Variants in PTPRM observed in about 807,000 individuals in gnomAD.
PTPRM encodes receptor-type tyrosine-protein phosphatase mu.
In PTPRM, 47 loss-of-function variants were observed where a neutral mutation model predicts 186.7. That is an observed-to-expected ratio of 0.25 (90% CI 0.20 to 0.32). PTPRM has a LOEUF of 0.32. PTPRM is among the 10% of genes least tolerant of loss of function. The pLI, the probability that PTPRM is intolerant of heterozygous loss-of-function variation, is 1.00. For synonymous variants in PTPRM, 668 were observed against 674.9 expected (o/e 0.99, Z 0.16); for missense variants, 1,494 against 1,865.0 (o/e 0.80, Z 3.66).
At chr18:8,304,666 C>T (rs2095200132) in intron 20 of PTPRM, among the ~76,000 whole-genome samples, 1 of 152,072 alleles carries the variant, frequency 6.6e-6, no homozygotes, top group Non-Finnish European at 1.5e-5. Flanking sequence ...ATTTCTTTTT[C>T]TCCAATTCAT....
intron 1 of PTPRM, among the ~76,000 whole-genome samples, chr18:7,673,327 C>A (rs1051895083): frequency 1.1e-4 from 16 of 152,252 alleles, no homozygotes; most frequent in African/African-American, 3.9e-4. Flanking sequence ...AAGAAGAATT[C>A]AGAATCTTAG....
chr18:8,265,828 C>T (rs985431451), intron 19 of PTPRM, among the ~76,000 whole-genome samples: 4 of 152,174 alleles, frequency 2.6e-5, no homozygotes, highest in Non-Finnish European at 5.9e-5. Context: ...ACAGCAACTA[C>T]TCACAAAATG....
intron 7 of PTPRM, among the ~76,000 whole-genome samples, chr18:8,025,374 A>G (rs368122955): frequency 1.3e-4 from 20 of 152,268 alleles, no homozygotes; most frequent in African/African-American, 4.6e-4. Flanking sequence ...TCTTTTGTCA[A>G]ATAGAGACAT....
chr18:7,858,395 TA>T (rs200698286), intron 2 of PTPRM, among the ~76,000 whole-genome samples: 11 of 149,948 alleles, frequency 7.3e-5, no homozygotes, highest in Admixed American at 2.7e-4. Flanking sequence ...CGTCTCTTAT[TA>T]AAAAAAAAAT....
chr18:8,133,561 G>A (rs2092566521), intron 13 of PTPRM, among the ~76,000 whole-genome samples: 1 of 152,152 alleles, frequency 6.6e-6, no homozygotes, highest in African/African-American at 2.4e-5. Flanking sequence ...AAAGCAATTA[G>A]GAGCAGTAGT....
chr18:8,177,115 C>A (rs1432591710), intron 14 of PTPRM, among the ~76,000 whole-genome samples: 1 of 152,132 alleles, frequency 6.6e-6, no homozygotes, highest in East Asian at 1.9e-4. Flanking sequence ...AATACTGATG[C>A]CTTTTGGAAA....
chr18:7,799,501 A>G (rs2043842116), intron 2 of PTPRM, among the ~76,000 whole-genome samples: 1 of 152,190 alleles, frequency 6.6e-6, no homozygotes, highest in African/African-American at 2.4e-5. Flanking sequence ...GGGAGAGGTT[A>G]ATGTCTGCAA....
chr18:7,716,252 C>A (rs664040), intron 1 of PTPRM, among the ~76,000 whole-genome samples: 78,611 of 151,896 alleles, frequency 0.52, 21,096 homozygotes, highest in East Asian at 0.86. Flanking sequence ...GAAAAAGAAG[C>A]AATGGGGAAA....
chr18:8,366,849 C>A (rs945479855), intron 23 of PTPRM: 2 of 152,228 alleles, frequency 1.3e-5, no homozygotes, highest in Non-Finnish European at 2.9e-5. Context: ...TGGAGGCTGC[C>A]GCCTTACGTG....
chr18:8,366,107 T>C (rs1020163357), intron 23 of PTPRM, among the ~76,000 whole-genome samples: 1 of 152,196 alleles, frequency 6.6e-6, no homozygotes, highest in African/African-American at 2.4e-5. Flanking sequence ...AGCTAAGTGA[T>C]TCTAATGTGC....
intron 14 of PTPRM, among the ~76,000 whole-genome samples, chr18:8,174,601 A>T (rs539244627): frequency 3.9e-5 from 6 of 152,332 alleles, no homozygotes; most frequent in Admixed American, 2.6e-4. Context: ...ATGCAGTAAG[A>T]GGCGAGGGAA....
chr18:7,774,045 T>G (rs543173803), intron 1 of PTPRM, 104 bp from the exon 2 acceptor site: 224 of 1,183,406 alleles, frequency 1.9e-4, no homozygotes, highest in Non-Finnish European at 2.5e-4. Flanking sequence ...AGATTTAGTT[T>G]GGCATCAAAC....
At chr18:7,679,045 G>A (rs375388956) in intron 1 of PTPRM, among the ~76,000 whole-genome samples, 8 of 152,158 alleles carry the variant, frequency 5.3e-5, no homozygotes, top group African/African-American at 1.9e-4. Context: ...CCCAGCAGTG[G>A]ATGCTCAGAT....
intron 6 of PTPRM, among the ~76,000 whole-genome samples, chr18:7,951,428 T>A (rs1203346870): frequency 6.6e-6 from 1 of 152,234 alleles, no homozygotes; most frequent in East Asian, 1.9e-4. Flanking sequence ...TCTAGTAGTA[T>A]CTCTAAAAAT....
intron 2 of PTPRM, among the ~76,000 whole-genome samples, chr18:7,782,902 C>T (rs781042391): frequency 3.9e-5 from 6 of 152,144 alleles, no homozygotes; most frequent in Non-Finnish European, 8.8e-5. Context: ...CAAATGTTTT[C>T]CTTTAAATTT....
At chr18:8,103,163 T>C (rs1166042712) in intron 11 of PTPRM, among the ~76,000 whole-genome samples, 1 of 152,222 alleles carries the variant, frequency 6.6e-6, no homozygotes, top group Non-Finnish European at 1.5e-5. Context: ...AGCATGATTC[T>C]TAAGGGCCCT....
intron 19 of PTPRM, chr18:8,270,236 C>CAAAAAAAA (rs58483232): frequency 6.9e-6 from 1 of 145,504 alleles, no homozygotes; most frequent in Non-Finnish European, 1.5e-5. Context: ...AACTCAATAG[C>CAAAAAAAA]AAAAAAAAAA....
At chr18:7,706,023 A>G (rs2040080412) in intron 1 of PTPRM, among the ~76,000 whole-genome samples, 1 of 148,450 alleles carries the variant, frequency 6.7e-6, no homozygotes, top group African/African-American at 2.4e-5. Flanking sequence ...ATACTATAAT[A>G]GAAAACATAC....
intron 29 of PTPRM, among the ~76,000 whole-genome samples, chr18:8,382,412 A>G (rs920111461): frequency 6.6e-6 from 1 of 152,126 alleles, no homozygotes; most frequent in Non-Finnish European, 1.5e-5. Context: ...TCAGATGTAC[A>G]TGTTACAGCT....
Sources: allele counts gnomAD v4.1 joint callset (sites outside exome capture counted in the v4.1 genomes callset), GRCh38; gene constraint gnomAD v4.1.1; transcripts MANE v1.5; gene names NCBI Gene and HGNC (gene_info 2026-07-23, HGNC 2026-07-21).